Variants in PAN3 observed in about 807,000 individuals in gnomAD.
PAN3 encodes the protein poly(A) specific ribonuclease subunit PAN3.
In PAN3, 19 loss-of-function variants were observed where a neutral mutation model predicts 96.2. That is an observed-to-expected ratio of 0.20 (90% confidence interval 0.14 to 0.29). PAN3 has a LOEUF of 0.29. PAN3 is among the 10% of genes least tolerant of loss of function. The pLI is 1.00. For synonymous variants in PAN3, 433 were observed against 406.6 expected (o/e 1.06, Z -0.78); for missense variants, 882 against 1,108.1 (o/e 0.80, Z 2.90).
At chr13:28,261,095 A>G (rs1467836414) in intron 8 of PAN3, among the ~76,000 whole-genome samples, 2 of 152,186 alleles carry the variant, frequency 1.3e-5, no homozygotes, top group African/African-American at 4.8e-5. Flanking sequence ...ATTAATTATT[A>G]CCAGTTTACT....
At chr13:28,258,437 C>T (rs2138602467) in intron 7 of PAN3, among the ~76,000 whole-genome samples, 1 of 152,158 alleles carries the variant, frequency 6.6e-6, no homozygotes, top group East Asian at 1.9e-4. Flanking sequence ...GGGATGAGTC[C>T]AGTTGAAAGA....
chr13:28,243,903 G>A (rs929519715), intron 6 of PAN3, among the ~76,000 whole-genome samples: 1 of 152,132 alleles, frequency 6.6e-6, no homozygotes, highest in Non-Finnish European at 1.5e-5. Flanking sequence ...GGTCAGGCTG[G>A]TCTCGAACTC....
At chr13:28,234,276 G>A (rs553120986) in intron 6 of PAN3, among the ~76,000 whole-genome samples, 56 of 152,156 alleles carry the variant, frequency 3.7e-4, no homozygotes, top group African/African-American at 1.3e-3. Flanking sequence ...AATTCATTGC[G>A]GCCTTGAATT....
At chr13:28,248,350 C>G (rs1884405587) in intron 6 of PAN3, among the ~76,000 whole-genome samples, 1 of 152,054 alleles carries the variant, frequency 6.6e-6, no homozygotes, top group Admixed American at 6.6e-5. Context: ...AATATAATAT[C>G]ACGTTGCCTA....
At chr13:28,254,648 A>C (rs905746599) in intron 6 of PAN3, among the ~76,000 whole-genome samples, 9 of 152,134 alleles carry the variant, frequency 5.9e-5, no homozygotes, top group Non-Finnish European at 1.0e-4. Context: ...ACAGCTCTGG[A>C]ATAGTTTTTA....
intron 14 of PAN3, among the ~76,000 whole-genome samples, chr13:28,275,455 G>C (rs1324305266): frequency 6.6e-6 from 1 of 152,152 alleles, no homozygotes; most frequent in Non-Finnish European, 1.5e-5. Context: ...AAATTCTGCT[G>C]CTTGAAGAGT....
rs774294463 is a variant in PAN3 at position 28,288,000 on chromosome 13, A to C, written c.2401A>C (p.Thr801Pro). ...NERPEFQKDP[T>P]WSETGDRYLL... ...TTCCCCCAGGTTTCAGAAGGATCCC[A>C]CTTGGTCAGAGACTGGAGACCGTTA... is the stretch of plus-strand genomic sequence containing the variant. The change falls in exon 18 of 19, where the codon ACT (threonine) becomes CCT (proline). Residue 801 changes from threonine to proline, a missense_variant. Transcript: ENST00000380958. 1 of 1,611,348 alleles carries C rather than the reference A, an allele frequency of 6.2e-7. No individual in the cohort carries two copies. The highest frequency in any genetic ancestry group is 8.5e-7 in the Non-Finnish European group (1 of 1,179,202).
At chr13:28,188,175 TA>T (rs1048985936) in intron 4 of PAN3, among the ~76,000 whole-genome samples, 3 of 152,330 alleles carry the variant, frequency 2.0e-5, no homozygotes, top group Admixed American at 1.3e-4. Flanking sequence ...CTGACACTCC[TA>T]AGGGTCTTAG....
At chr13:28,290,576 G>T (rs1869635890) in intron 18 of PAN3, among the ~76,000 whole-genome samples, 1 of 152,140 alleles carries the variant, frequency 6.6e-6, no homozygotes, top group South Asian at 2.1e-4. Context: ...AGCTACTTCG[G>T]AGGCTGAGGC....
chr13:28,162,308 G>A (rs1212701413), intron 1 of PAN3, among the ~76,000 whole-genome samples: 4 of 152,316 alleles, frequency 2.6e-5, no homozygotes, highest in Admixed American at 6.5e-5. Flanking sequence ...TGCTGAGGGG[G>A]TAGAGGAGCC....
At chr13:28,292,270 A>G in intron 18 of PAN3, 112 bp from the exon 19 acceptor site, 2 of 1,122,108 alleles carry the variant, frequency 1.8e-6, no homozygotes, top group Middle Eastern at 3.0e-4. Context: ...TGGATATCTG[A>G]AAGGGAATGT....
In PAN3 at chr13:28,139,091, A is replaced by G; in HGVS notation, c.430+4A>G. 2 of 1,254,424 alleles carry G rather than the reference A, an allele frequency of 1.6e-6. No homozygotes were observed. The highest frequency in any genetic ancestry group is 2.9e-5 in the South Asian group (1 of 35,030). 77.7% of individuals were successfully genotyped at this position (1,254,424 alleles called of 1,614,324 possible). A position where few individuals can be genotyped will look rare whatever the true frequency, so the allele number is the denominator to read the frequency against. On this transcript the variant is annotated splice_donor_region_variant and intron_variant, in intron 1 of 18. Transcript: ENST00000380958. Reference sequence around the variant, plus strand: ...CTCGATGGACCGCGGCTGGCAAGTGAGTGTTTTTCGGGCGGGGCGGGCCGC... The same window carrying G: ...CTCGATGGACCGCGGCTGGCAAGTGGGTGTTTTTCGGGCGGGGCGGGCCGC...
chr13:28,224,407 G>A (rs1881774379), intron 6 of PAN3, among the ~76,000 whole-genome samples: 1 of 152,180 alleles, frequency 6.6e-6, no homozygotes, highest in Middle Eastern at 3.2e-3. Context: ...TTAGTGCACA[G>A]TTGTGTCTCA....
chr13:28,277,442 T>A, intron 15 of PAN3, 66 bp downstream of exon 15: 5 of 1,497,184 alleles, frequency 3.3e-6, no homozygotes, highest in Non-Finnish European at 4.5e-6. Context: ...CTTTTTTTGT[T>A]TTAAGTGATT....
intron 1 of PAN3, among the ~76,000 whole-genome samples, chr13:28,142,511 A>ATTTTTTTTTTTTTTTTTTTTTT (rs74881179): frequency 7.9e-6 from 1 of 126,670 alleles, no homozygotes; most frequent in African/African-American, 3.2e-5. Context: ...ATAGATGGCA[A>ATTTTTTTTTTTTTTTTTTTTTT]TTTTTTTTTT....
chr13:28,199,789 C>G (rs892566983), intron 5 of PAN3, among the ~76,000 whole-genome samples: 3 of 151,032 alleles, frequency 2.0e-5, no homozygotes, highest in African/African-American at 7.3e-5. Flanking sequence ...TTTGTGTTTT[C>G]GACATATACT....
intron 14 of PAN3, among the ~76,000 whole-genome samples, chr13:28,275,421 C>T (rs1388782027): frequency 6.6e-6 from 1 of 152,150 alleles, no homozygotes; most frequent in African/African-American, 2.4e-5. Flanking sequence ...AATACAGCAT[C>T]AGTTCAGGGT....
At chr13:28,221,863 A>G (rs1006906285) in intron 6 of PAN3, among the ~76,000 whole-genome samples, 42 of 152,244 alleles carry the variant, frequency 2.8e-4, no homozygotes, top group African/African-American at 8.9e-4. Context: ...GTGTGTTCAC[A>G]TTGTTTACAT....
chr13:28,182,519 A>G (rs1277967673), intron 4 of PAN3, among the ~76,000 whole-genome samples: 5 of 152,116 alleles, frequency 3.3e-5, no homozygotes, highest in African/African-American at 1.2e-4. Context: ...ACAGATTTTC[A>G]CTTCTGTAAA....
Sources: gnomAD v4.1 joint callset for allele counts (sites outside exome capture counted in the v4.1 genomes callset) on GRCh38, gnomAD v4.1.1 for gene constraint, MANE v1.5 for transcripts, NCBI Gene and HGNC (gene_info 2026-07-23, HGNC 2026-07-21) for gene names.